The following LSAMP variants were observed in gnomAD, a reference collection of about 807,000 sequenced individuals.
LSAMP encodes limbic system associated membrane protein.
Under a neutral mutation model 38.6 loss-of-function variants are expected in LSAMP, and 7 were observed. The observed-to-expected ratio is 0.18, with a 90% CI of 0.10 to 0.34. The LOEUF (loss-of-function observed/expected upper bound fraction) is 0.34. Among genes scored for constraint, LSAMP ranks in the 10% least tolerant of loss-of-function variants. The pLI is 1.00. For synonymous variants in LSAMP, 154 were observed against 166.8 expected (o/e 0.92, Z 0.59); for missense variants, 313 against 420.0 (o/e 0.75, Z 2.23).
intron 1 of LSAMP, among the ~76,000 whole-genome samples, chr3:116,160,997 A>G (rs1461098126): frequency 6.6e-6 from 1 of 152,222 alleles, no homozygotes; most frequent in East Asian, 1.9e-4. Flanking sequence ...GTGCTATTCA[A>G]TGAGATAGTC....
In LSAMP at chr3:116,362,534, C is replaced by T. The variant is rs1308459023; in HGVS notation, c.155+82343G>A. On this transcript the variant is annotated intron_variant, in intron 1 of 6. Coordinates refer to ENST00000490035, the MANE Select transcript of LSAMP (RefSeq NM_002338.5). Reference sequence around the variant, plus strand: ...CCTAATAGACATCTACAGAACTCTCCACCCCAAATCAACAGAATATACATT... The same window carrying T: ...CCTAATAGACATCTACAGAACTCTCTACCCCAAATCAACAGAATATACATT... 3.9e-4 allele frequency among the ~76,000 whole-genome samples: 4 copies of T among 10,228 alleles called. No homozygotes were observed. In the East Asian group the frequency reaches 0.013, roughly 34 times the overall value. The allele number at this position is 10,228 out of a possible 152,430, so 6.7% of individuals were successfully genotyped here. A position where few individuals can be genotyped will look rare whatever the true frequency, so the allele number is the denominator to read the frequency against.
At chr3:116,039,085 C>T (rs2107714292) in intron 2 of LSAMP, among the ~76,000 whole-genome samples, 1 of 152,254 alleles carries the variant, frequency 6.6e-6, no homozygotes, top group South Asian at 2.1e-4. Context: ...GAACCACAGG[C>T]ATAGAGAATT....
At chr3:115,951,386 C>T (rs1036252864) in intron 3 of LSAMP, among the ~76,000 whole-genome samples, 1 of 152,096 alleles carries the variant, frequency 6.6e-6, no homozygotes, top group Non-Finnish European at 1.5e-5. Context: ...TGACAAAGGA[C>T]TAATATCCAG....
Position 116,066,916 on chromosome 3 carries a change from T to G in LSAMP, c.388+19408A>C, listed in dbSNP as rs761861375. The stretch of plus-strand genomic sequence containing the variant: ...CAATGTGCCTGCCCCCATTTTTTTT[T>G]GCAAATAAGTATTCTATATTTGATA... On this transcript the variant is annotated intron_variant, in intron 2 of 6. Coordinates refer to ENST00000490035, the MANE Select transcript of LSAMP (RefSeq NM_002338.5). Among the ~76,000 whole-genome samples the G allele has an allele frequency of 1.8e-4, 27 of 152,174 alleles. 1 individual carries two copies. The highest frequency in any genetic ancestry group is 8.8e-5 in the Non-Finnish European group (6 of 68,034).
chr3:116,287,823 A>C (rs1464004328), intron 1 of LSAMP, among the ~76,000 whole-genome samples: 2 of 152,156 alleles, frequency 1.3e-5, no homozygotes, highest in Non-Finnish European at 2.9e-5. Context: ...GCCTGCTCTT[A>C]TAGAGCTGTT....
At chr3:116,322,955 C>T (rs2047724418) in intron 1 of LSAMP, among the ~76,000 whole-genome samples, 1 of 152,054 alleles carries the variant, frequency 6.6e-6, no homozygotes, top group African/African-American at 2.4e-5. Context: ...TTACTGTGAA[C>T]TGTATGTGAA....
At chr3:116,359,372 G>T (rs1192230823) in intron 1 of LSAMP, among the ~76,000 whole-genome samples, 2 of 152,060 alleles carry the variant, frequency 1.3e-5, no homozygotes, top group Non-Finnish European at 2.9e-5. Context: ...AAATGCATAG[G>T]CTTGGCCTCT....
chr3:116,085,889 T>A (rs1263453639), intron 2 of LSAMP, among the ~76,000 whole-genome samples: 1 of 152,170 alleles, frequency 6.6e-6, no homozygotes, highest in Non-Finnish European at 1.5e-5. Context: ...AACTTTGCTA[T>A]CACAAAAAAG....
chr3:116,157,972 C>T (rs993752775), intron 1 of LSAMP, among the ~76,000 whole-genome samples: 3 of 152,080 alleles, frequency 2.0e-5, no homozygotes, highest in Non-Finnish European at 2.9e-5. Context: ...TACTAGCAAA[C>T]CAAATCTAGC....
intron 2 of LSAMP, among the ~76,000 whole-genome samples, chr3:116,032,648 A>T (rs1011628301): frequency 1.3e-5 from 2 of 152,020 alleles, no homozygotes; most frequent in African/African-American, 4.8e-5. Flanking sequence ...ATTTATGGAA[A>T]AAAAATTAGC....
At chr3:116,388,867 C>T (rs1047622022) in intron 1 of LSAMP, among the ~76,000 whole-genome samples, 6 of 150,536 alleles carry the variant, frequency 4.0e-5, no homozygotes, top group South Asian at 2.1e-4. Context: ...GCATCTTAAA[C>T]AAACAAACAA....
At chr3:116,219,094 T>C (rs990374434) in intron 1 of LSAMP, among the ~76,000 whole-genome samples, 18 of 152,306 alleles carry the variant, frequency 1.2e-4, no homozygotes, top group African/African-American at 4.1e-4. Context: ...TTTATGCACA[T>C]TGATTAGTAA....
chr3:116,223,239 G>T (rs1284542094), intron 1 of LSAMP, among the ~76,000 whole-genome samples: 1 of 152,156 alleles, frequency 6.6e-6, no homozygotes, highest in African/African-American at 2.4e-5. Flanking sequence ...CTTTGAATAA[G>T]TAATAGAAAT....
At chr3:116,126,367 G>A (rs1709008598) in intron 1 of LSAMP, among the ~76,000 whole-genome samples, 1 of 152,182 alleles carries the variant, frequency 6.6e-6, no homozygotes, top group African/African-American at 2.4e-5. Context: ...AATGGGCCAT[G>A]CCCAAAGTAT....
chr3:116,033,470 C>G (rs1409432029), intron 2 of LSAMP, among the ~76,000 whole-genome samples: 1 of 152,144 alleles, frequency 6.6e-6, no homozygotes. Context: ...ATGTTTTATT[C>G]AAACCTCTAT....
Position 115,823,913 on chromosome 3 carries a change from AAAGT to A in LSAMP, c.920-13503_920-13500del, listed in dbSNP as rs528267752. 8.3e-4 allele frequency among the ~76,000 whole-genome samples: 126 copies of A among 152,360 alleles called. 1 individual carries two copies. Among genetic ancestry groups the A allele is most frequent in the Admixed American group, 2.6e-3 (40 of 15,302 alleles). ...CTTGATGTACTGGGTATTGTCGTATAAAGTAAGTATAGGTGCATGATTTGACTTT... is the reference window on the plus strand; with the variant it reads ...CTTGATGTACTGGGTATTGTCGTATAAAGTATAGGTGCATGATTTGACTTT... On this transcript the variant is annotated intron_variant, in intron 6 of 6. Transcript: ENST00000490035.
chr3:116,290,825 A>G (rs1206951104), intron 1 of LSAMP, among the ~76,000 whole-genome samples: 2 of 151,634 alleles, frequency 1.3e-5, no homozygotes, highest in African/African-American at 2.4e-5. Context: ...CCTTGATATA[A>G]TCAATCAGCC....
At chr3:115,824,962 C>T (rs369583233) in intron 6 of LSAMP, among the ~76,000 whole-genome samples, 2 of 152,226 alleles carry the variant, frequency 1.3e-5, no homozygotes. Flanking sequence ...TATTTTCCAG[C>T]CCCAAATTGT....
intron 2 of LSAMP, among the ~76,000 whole-genome samples, chr3:116,047,937 A>G (rs1397369460): frequency 1.3e-5 from 2 of 152,062 alleles, no homozygotes; most frequent in African/African-American, 4.8e-5. Context: ...GAAAAAATAT[A>G]CTCTCATCGA....
Sources: allele counts gnomAD v4.1 joint callset (sites outside exome capture counted in the v4.1 genomes callset), GRCh38; gene constraint gnomAD v4.1.1; transcripts MANE v1.5; gene names NCBI Gene and HGNC (gene_info 2026-07-23, HGNC 2026-07-21).